Variants in GATAD1 observed in about 807,000 individuals in gnomAD.
The protein encoded by GATAD1 is GATA zinc finger domain-containing protein 1.
GATAD1 carries 12 observed loss-of-function variants against 26.5 expected under a neutral mutation model. The observed-to-expected ratio is 0.45, with a 90% CI of 0.29 to 0.73. The LOEUF is 0.73. GATAD1 is among the 30% of genes least tolerant of loss of function. GATAD1 has a pLI of 0.10. For missense variants in GATAD1, 266 were observed against 342.1 expected, an observed-to-expected ratio of 0.78 and a Z score of 1.75; for synonymous variants, 129 against 133.1, an observed-to-expected ratio of 0.97 and a Z score of 0.21.
chr7:92,479,410 C>T, the GATAD1 span, among the ~76,000 whole-genome samples: 1 of 152,078 alleles, frequency 6.6e-6, no homozygotes, highest in Admixed American at 6.6e-5. Context: ...AGGAATTTCC[C>T]AAGGTTAATT....
At chr7:92,487,168 CAAAAG>C in the GATAD1 span, 1 of 202,138 alleles carries the variant, frequency 4.9e-6, no homozygotes, top group Non-Finnish European at 9.9e-6. Flanking sequence ...ATCTTTTCCT[CAAAAG>C]AAATAAATTA....
At chr7:92,467,227 G>T in the GATAD1 span, among the ~76,000 whole-genome samples, 1 of 152,058 alleles carries the variant, frequency 6.6e-6, no homozygotes, top group Non-Finnish European at 1.5e-5. Context: ...GTTGAGGCAG[G>T]AGAATCACTT....
chr7:92,493,071 A>G, the GATAD1 span: 1 of 1,612,822 alleles, frequency 6.2e-7, no homozygotes, highest in Non-Finnish European at 8.5e-7. Context: ...CTGAAGGTCA[A>G]CATCATCTGC....
At chr7:92,454,234 G>T in intron 3 of GATAD1, 1 of 364,008 alleles carries the variant, frequency 2.7e-6, no homozygotes, top group Non-Finnish European at 4.9e-6. Flanking sequence ...ATGGTATTAC[G>T]GCAATATAAA....
intron 3 of GATAD1, among the ~76,000 whole-genome samples, chr7:92,452,197 T>C (rs1789464965): frequency 6.6e-6 from 1 of 152,264 alleles, no homozygotes; most frequent in Non-Finnish European, 1.5e-5. Context: ...ACTAACAGTT[T>C]CCATGTGTGT....
rs1789720118 is a variant in GATAD1 at position 92,457,264 on chromosome 7, GACCAGCCTGGCCAGCATGGTGA to G, written c.*704_*725del. 1.3e-5 allele frequency: 2 copies of G among 151,666 alleles called. No individual in the cohort carries two copies. The highest frequency in any genetic ancestry group is 2.4e-5 in the African/African-American group (1 of 41,154). The allele number at this position is 151,666 out of a possible 1,614,324, so 9.4% of individuals were successfully genotyped here. On this transcript the variant is annotated 3_prime_UTR_variant, in exon 5 of 5. Transcript: ENST00000287957. ...GGATCGCCTGAGGTTGGGAGTTCGA[GACCAGCCTGGCCAGCATGGTGA>G]AACCCTGTCTCTACTAAAAATACAA...
chr7:92,459,295 A>G lies in GATAD1; in HGVS notation c.*2733A>G, dbSNP rs1392318543. 2 of 152,156 alleles carry G rather than the reference A, an allele frequency of 1.3e-5. No individual in the cohort carries two copies. Among genetic ancestry groups the G allele is most frequent in the African/African-American group, 4.8e-5 (2 of 41,452 alleles). 9.4% of individuals were successfully genotyped at this position (152,156 alleles called of 1,614,324 possible). A position where few individuals can be genotyped will look rare whatever the true frequency, so the allele number is the denominator to read the frequency against. On this transcript the variant is annotated 3_prime_UTR_variant, in exon 5 of 5. Transcript: ENST00000287957. ...TAACAGATTTTAGGAAAATCAAAAA[A>G]TGGCTAATAAAATGAACACAATGTA... is the stretch of plus-strand genomic sequence containing the variant.
At chr7:92,495,334 A>C in the GATAD1 span, among the ~76,000 whole-genome samples, 4 of 152,182 alleles carry the variant, frequency 2.6e-5, no homozygotes, top group Non-Finnish European at 5.9e-5. Flanking sequence ...AAAAATCAAC[A>C]GCTATCTCAT....
rs1289443255 is a variant in GATAD1 at position 92,458,608 on chromosome 7, A to G, written c.*2046A>G. 6.6e-6 allele frequency: 1 copy of G among 152,188 alleles called. No homozygotes were observed. The highest frequency in any genetic ancestry group is 1.5e-5 in the Non-Finnish European group (1 of 68,034). 9.4% of individuals were successfully genotyped at this position (152,188 alleles called of 1,614,324 possible). A position where few individuals can be genotyped will look rare whatever the true frequency, so the allele number is the denominator to read the frequency against. Reference sequence around the variant, plus strand: ...TAACCAGCATTTTTCAACCCTGGGAAAATTTGCAGAATCTAAGTTGATTGT... The same window carrying G: ...TAACCAGCATTTTTCAACCCTGGGAGAATTTGCAGAATCTAAGTTGATTGT... On this transcript the variant is annotated 3_prime_UTR_variant, in exon 5 of 5. Coordinates refer to ENST00000287957, the MANE Select transcript of GATAD1 (RefSeq NM_021167.5).
the GATAD1 span, among the ~76,000 whole-genome samples, chr7:92,481,831 T>C: frequency 1.3e-5 from 2 of 151,634 alleles, no homozygotes; most frequent in East Asian, 1.9e-4. Context: ...GGGAAAGGAG[T>C]TGTTGTTTTG....
In GATAD1 at chr7:92,456,736, A is replaced by G. The variant is rs2115887035; in HGVS notation, c.*174A>G. 4.1e-6 allele frequency: 2 copies of G among 485,280 alleles called. No individual in the cohort carries two copies. The highest frequency in any genetic ancestry group is 3.8e-5 in the Admixed American group (1 of 26,334). The allele number at this position is 485,280 out of a possible 1,614,324, so 30.1% of individuals were successfully genotyped here. ...TATTCTTAGTACCACAAGATATGTC[A>G]TAGGTATCTTTAAATGAAATTCTTA... On this transcript the variant is annotated 3_prime_UTR_variant, in exon 5 of 5. Transcript: ENST00000287957.
chr7:92,447,886 G>C lies in GATAD1; in HGVS notation c.157G>C (p.Gly53Arg), dbSNP rs988478105. The C allele has an allele frequency of 2.3e-5, 30 of 1,278,914 alleles. No individual in the cohort carries two copies. The highest frequency in any genetic ancestry group is 2.3e-4 in the Middle Eastern group (1 of 4,412). 79.2% of individuals were successfully genotyped at this position (1,278,914 alleles called of 1,614,324 possible). Residue 53 changes from glycine to arginine, a missense_variant, in exon 1 of 5, where the codon GGG becomes CGG. Coordinates refer to ENST00000287957, the MANE Select transcript of GATAD1 (RefSeq NM_021167.5). ...AGGCTCGGGGGCGGCTGGAGGGACT[G>C]GGGGCAGCGGCGGCGGCGGCTTCGG... ...GAGSGAAGGT[G>R]GSGGGGFGAA...
chr7:92,449,276 C>T (rs999905917), intron 2 of GATAD1: 3 of 775,728 alleles, frequency 3.9e-6, no homozygotes, highest in Non-Finnish European at 4.7e-6. Context: ...AACACTAGAA[C>T]TCATCATTTG....
chr7:92,494,185 A>T, the GATAD1 span: 1 of 829,704 alleles, frequency 1.2e-6, no homozygotes, highest in Non-Finnish European at 2.0e-6. Context: ...CTTTTCCCTA[A>T]GAAAGCTGGT....
chr7:92,473,284 G>A, the GATAD1 span: 7 of 152,106 alleles, frequency 4.6e-5, no homozygotes, highest in African/African-American at 1.7e-4. Flanking sequence ...TGTCTGTTGG[G>A]TTTCTGTACT....
At chr7:92,487,950 TA>T in the GATAD1 span, among the ~76,000 whole-genome samples, 8 of 152,246 alleles carry the variant, frequency 5.3e-5, no homozygotes, top group East Asian at 1.5e-3. Flanking sequence ...TCAAAAGCCT[TA>T]AAAAATGTGA....
At chr7:92,491,255 A>G in the GATAD1 span, 1 of 1,478,504 alleles carries the variant, frequency 6.8e-7, no homozygotes, top group Non-Finnish European at 9.5e-7. Flanking sequence ...CTGTATAATG[A>G]TGACTGCACA....
At chr7:92,487,408 G>T in the GATAD1 span, 4 of 958,806 alleles carry the variant, frequency 4.2e-6, no homozygotes, top group Non-Finnish European at 6.6e-6. Flanking sequence ...ACAACATATG[G>T]AAAAGCCATC....
the GATAD1 span, among the ~76,000 whole-genome samples, chr7:92,484,786 G>A: frequency 2.6e-5 from 4 of 152,224 alleles, no homozygotes; most frequent in Non-Finnish European, 4.4e-5. Context: ...GTGAGGGCAA[G>A]GACAGGGGAC....
Sources: allele counts gnomAD v4.1 joint callset (sites outside exome capture counted in the v4.1 genomes callset), GRCh38; gene constraint gnomAD v4.1.1; transcripts MANE v1.5; gene names NCBI Gene and HGNC (gene_info 2026-07-23, HGNC 2026-07-21).